METTL5: variants seen among roughly 807,000 people sequenced by gnomAD.
METTL5 encodes rRNA N(6)-adenosine-methyltransferase METTL5.
In METTL5, 28 loss-of-function variants were observed where a neutral mutation model predicts 26.5. The observed-to-expected ratio is 1.06, with a 90% confidence interval of 0.78 to 1.45. The LOEUF (loss-of-function observed/expected upper bound fraction) is 1.45. METTL5 is among the 40% of genes most tolerant of loss of function. The probability of loss-of-function intolerance (pLI) is 0.00; values close to 1 mark genes in which losing one functional copy is unlikely to be tolerated. For synonymous variants in METTL5, 86 were observed against 82.6 expected, an observed-to-expected ratio of 1.04 and a Z score of -0.22; for missense variants, 231 against 249.9, an observed-to-expected ratio of 0.92 and a Z score of 0.51.
intron 6 of METTL5, 93 bp from the exon 7 acceptor site, chr2:169,811,951 T>A (rs1689974061): frequency 7.3e-7 from 1 of 1,378,468 alleles, no homozygotes; most frequent in Non-Finnish European, 1.0e-6. Flanking sequence ...TTGTGTTATT[T>A]CAGATGATTC....
chr2:169,818,449 T>A (rs2081539751), intron 4 of METTL5, among the ~76,000 whole-genome samples: 1 of 152,206 alleles, frequency 6.6e-6, no homozygotes, highest in South Asian at 2.1e-4. Flanking sequence ...TCATCAAACC[T>A]GAGGGTGTTC....
In METTL5 at chr2:169,819,552, T is replaced by G; in HGVS notation, c.489+9A>C. On this transcript the variant is annotated intron_variant, in intron 4 of 6. Transcript: ENST00000260953. ...CAATGCCACAGAATATCAGATGATT[T>G]GAACTTACTTCTCTAGTTGAGGATT... 6.3e-7 allele frequency: 1 copy of G among 1,593,046 alleles called. No homozygotes were observed. The highest frequency in any genetic ancestry group is 8.6e-7 in the Non-Finnish European group (1 of 1,163,410).
At position 169,819,660 on chromosome 2, in the gene METTL5, A is replaced by G; in HGVS notation, c.407-17T>C. ...TATCTGTCCCTGTGAAGAGTAGAAA[A>G]AAAGCTCCTATTTACCTCTTCTCAA... On this transcript the variant is annotated splice_polypyrimidine_tract_variant and intron_variant, in intron 3 of 6. Transcript: ENST00000260953. 6.4e-7 allele frequency: 1 copy of G among 1,571,368 alleles called. No homozygotes were observed. Among genetic ancestry groups the G allele is most frequent in the Non-Finnish European group, 8.7e-7 (1 of 1,146,112 alleles).
Position 169,822,044 on chromosome 2 carries a change from A to G in METTL5, c.123T>C (p.Tyr41=). Residue 41 remains tyrosine, a synonymous_variant, in exon 2 of 7, where the codon TAT becomes TAC. Transcript: ENST00000260953. ...TRPHIAACML[Y]TIHNTYDDIE... is the part of the protein sequence containing the mutation. ...TGTCATCATAAGTGTTATGGATTGT[A>G]TAGAGCATACATGCTAAAAAATAAA... is the stretch of plus-strand genomic sequence containing the variant. 6.2e-7 allele frequency: 1 copy of G among 1,610,590 alleles called. No individual in the cohort carries two copies. Among genetic ancestry groups the G allele is most frequent in the South Asian group, 1.1e-5 (1 of 90,572 alleles).
rs1338798891 is a variant in METTL5, at chr2:169,814,481, AG to A, written c.541+995del. ...AAGGCTTTGTCTCAAAAAAAAAAAA[AG>A]AAAAAAGAAAATGAAATTAGATTAT... is the stretch of plus-strand genomic sequence containing the variant. On this transcript the variant is annotated intron_variant, in intron 5 of 6. Coordinates refer to ENST00000260953, the MANE Select transcript of METTL5 (RefSeq NM_014168.4). Among the ~76,000 whole-genome samples the A allele has an allele frequency of 7.3e-4, 96 of 131,820 alleles. 3 individuals are homozygous for A. Among genetic ancestry groups the A allele is most frequent in the Middle Eastern group, 4.0e-3 (1 of 248 alleles). The allele number at this position is 131,820 out of a possible 152,430, so 86.5% of individuals were successfully genotyped here. A position where few individuals can be genotyped will look rare whatever the true frequency, so the allele number is the denominator to read the frequency against.
chr2:169,821,243 G>A lies in METTL5; in HGVS notation c.255C>T (p.Asp85=), dbSNP rs554782778. ...CATTCCTATTAAATATTTCCAATGC[G>A]TCTTCATCTATGTCAAATCCAACAC... ...GLCVGFDIDE[D]ALEIFNRNAE... The change falls in exon 3 of 7, where the codon GAC becomes GAT. Residue 85 remains aspartate, a synonymous_variant. Coordinates refer to ENST00000260953, the MANE Select transcript of METTL5 (RefSeq NM_014168.4). The A allele has an allele frequency of 2.2e-5, 35 of 1,608,810 alleles. No homozygotes were observed. The highest frequency in any genetic ancestry group is 1.3e-4 in the South Asian group (12 of 89,740).
chr2:169,812,344 G>A (rs769159411), intron 6 of METTL5, 113 bp downstream of exon 6: 5 of 1,590,066 alleles, frequency 3.1e-6, no homozygotes, highest in Middle Eastern at 3.3e-4. Flanking sequence ...GAGTTCAAGC[G>A]ATTCTCTTGC....
chr2:169,821,117 A>C lies in METTL5; in HGVS notation c.381T>G (p.Pro127=). ...SKSFDTVIMN[P]PFGTKNNKGT... is the part of the protein sequence containing the mutation. ...CTTTATTATTTTTGGTCCCAAAGGG[A>C]GGATTCATAATTACTGTATCGAATG... is the stretch of plus-strand genomic sequence containing the variant. Residue 127 remains proline (P), a synonymous_variant, in exon 3 of 7, where the codon CCT becomes CCG. Coordinates refer to ENST00000260953, the MANE Select transcript of METTL5 (RefSeq NM_014168.4). 6.2e-7 allele frequency: 1 copy of C among 1,601,018 alleles called. No individual in the cohort carries two copies. Among genetic ancestry groups the C allele is most frequent in the East Asian group, 2.2e-5 (1 of 44,504 alleles).
intron 4 of METTL5, among the ~76,000 whole-genome samples, chr2:169,816,084 T>C (rs1367261689): frequency 1.3e-5 from 2 of 152,210 alleles, no homozygotes; most frequent in African/African-American, 4.8e-5. Context: ...AGTCAGAACA[T>C]ATCCCTGTTG....
At chr2:169,819,450 A>G (rs1303575744) in intron 4 of METTL5, 111 bp downstream of exon 4, 1 of 716,890 alleles carries the variant, frequency 1.4e-6, no homozygotes, top group African/African-American at 1.8e-5. Context: ...CACATGTCAA[A>G]ATGGTCAGGA....
intron 5 of METTL5, chr2:169,812,758 G>C (rs557191748): frequency 1.1e-5 from 4 of 352,310 alleles, no homozygotes; most frequent in Non-Finnish European, 2.0e-5. Flanking sequence ...AGGATAAACA[G>C]TGGACGAAAA....
chr2:169,815,844 T>C (rs557915908), intron 4 of METTL5, among the ~76,000 whole-genome samples: 1 of 152,328 alleles, frequency 6.6e-6, no homozygotes, highest in Admixed American at 6.5e-5. Flanking sequence ...AGCTGAAAAA[T>C]TGCTATTGCC....
At chr2:169,812,009 G>T in intron 6 of METTL5, 151 bp from the exon 7 acceptor site, 1 of 827,446 alleles carries the variant, frequency 1.2e-6, no homozygotes, top group Non-Finnish European at 1.9e-6. Context: ...TGTAATATGA[G>T]AATGTATTAG....
intron 4 of METTL5, among the ~76,000 whole-genome samples, chr2:169,817,931 T>C (rs1257042479): frequency 6.6e-6 from 1 of 152,174 alleles, no homozygotes; most frequent in African/African-American, 2.4e-5. Context: ...ATTCATGTTA[T>C]GCCAAGCTGT....
chr2:169,812,487 T>A lies in METTL5; in HGVS notation c.561A>T (p.Pro187=), dbSNP rs1225734915. 6.2e-7 allele frequency: 1 copy of A among 1,613,954 alleles called. No homozygotes were observed. Residue 187 remains proline, a synonymous_variant, in exon 6 of 7, where the codon CCA becomes CCT. Coordinates refer to ENST00000260953, the MANE Select transcript of METTL5 (RefSeq NM_014168.4). ...DIIAELRYDL[P]ASYKFHKKKS... ...TCTTTTTGTGAAACTTGTATGATGC[T>A]GGCAGGTCATATCGAAGTTCTGTAA...
rs1229560772 is a variant in METTL5 at position 169,824,500 on chromosome 2, G to A, written c.98C>T (p.Pro33Leu). 3 of 1,613,742 alleles carry A rather than the reference G, an allele frequency of 1.9e-6. No homozygotes were observed. The highest frequency in any genetic ancestry group is 1.7e-5 in the Admixed American group (1 of 59,992). Reference protein sequence around the residue: ...KLLLEQYPTRPHIAACMLYTI... With the variant: ...KLLLEQYPTRLHIAACMLYTI... ...ACCAGCCGCCCTACCTGCAATGTGC[G>A]GCCTGGTAGGATACTGTTCCAGAAG... Residue 33 changes from proline (P) to leucine (L), a missense_variant, in exon 1 of 7, where the codon CCG (proline) becomes CTG (leucine). By Grantham distance (98) the Pro-to-Leu change is moderately conservative. Transcript: ENST00000260953.
chr2:169,813,924 A>G (rs1690064530), intron 5 of METTL5, among the ~76,000 whole-genome samples: 1 of 152,106 alleles, frequency 6.6e-6, no homozygotes, highest in South Asian at 2.1e-4. Context: ...AGTGTATATT[A>G]CATTATTATT....
Position 169,815,493 on chromosome 2 carries a change from C to G in METTL5, c.525G>C (p.Lys175Asn). The change falls in exon 5 of 7, where the codon AAG (lysine) becomes AAC (asparagine). Residue 175 changes from lysine (K) to asparagine (N), a missense_variant. Lys to Asn is a moderately conservative substitution (Grantham distance 94). Transcript: ENST00000260953. ...VQKKAAEWKI[K>N]IDIIAELRYD... ...TTGTCTTACCTGCTATAATATCTAT[C>G]TTGATTTTCCATTCTGCAGCTTTCT... is the stretch of plus-strand genomic sequence containing the variant. The G allele has an allele frequency of 6.2e-7, 1 of 1,602,782 alleles. No individual in the cohort carries two copies. Among genetic ancestry groups the G allele is most frequent in the South Asian group, 1.1e-5 (1 of 89,432 alleles).
chr2:169,815,637 A>C, intron 4 of METTL5, 109 bp from the exon 5 acceptor site: 1 of 697,140 alleles, frequency 1.4e-6, no homozygotes, highest in Non-Finnish European at 2.3e-6. Flanking sequence ...ATTTCATTAG[A>C]ATCTAGACCC....
Sources: gnomAD v4.1 joint callset for allele counts (sites outside exome capture counted in the v4.1 genomes callset) on GRCh38, gnomAD v4.1.1 for gene constraint, MANE v1.5 for transcripts, NCBI Gene and HGNC (gene_info 2026-07-23, HGNC 2026-07-21) for gene names.